Variants in SDK1 observed in about 807,000 individuals in gnomAD.
SDK1 encodes the protein protein sidekick-1.
A neutral mutation model predicts 245.5 loss-of-function variants in SDK1; 157 were observed. The observed-to-expected ratio is 0.64, with a 90% CI of 0.56 to 0.73. The LOEUF (loss-of-function observed/expected upper bound fraction) is 0.73. Ranked by LOEUF, SDK1 falls within the 30% of genes least tolerant of loss-of-function variation. The pLI, the probability that SDK1 is intolerant of heterozygous loss-of-function variation, is 0.00. For synonymous variants in SDK1, 1,647 were observed against 1,278.5 expected, an observed-to-expected ratio of 1.29 and a Z score of -6.15; for missense variants, 3,583 against 3,002.3, an observed-to-expected ratio of 1.19 and a Z score of -4.52.
chr7:3,395,930 G>C (rs1562461355), intron 1 of SDK1, among the ~76,000 whole-genome samples: 1 of 151,294 alleles, frequency 6.6e-6, no homozygotes, highest in Non-Finnish European at 1.5e-5. Context: ...TTTTTCCTCT[G>C]TTGTTTTTCT....
intron 14 of SDK1, 74 bp from the exon 15 acceptor site, chr7:4,010,892 G>C: frequency 1.4e-6 from 2 of 1,471,076 alleles, no homozygotes; most frequent in Non-Finnish European, 9.4e-7. Context: ...CCCTGAGAAA[G>C]CCTTTGCATT....
chr7:3,714,723 C>G lies in SDK1; in HGVS notation c.713+72618C>G, dbSNP rs527522150. On this transcript the variant is annotated intron_variant, in intron 4 of 44. Coordinates refer to ENST00000404826, the MANE Select transcript of SDK1 (RefSeq NM_152744.4). Reference sequence around the variant, plus strand: ...TTTTCTCTCAAAAGTGCTTCTAAAACAAGTTTCCATGCTTGAAGCGTTGAG... The same window carrying G: ...TTTTCTCTCAAAAGTGCTTCTAAAAGAAGTTTCCATGCTTGAAGCGTTGAG... Among the ~76,000 whole-genome samples, 6 of 152,280 alleles carry G rather than the reference C, an allele frequency of 3.9e-5. No individual in the cohort carries two copies. In the East Asian group the frequency reaches 1.2e-3, roughly 29 times the overall value.
At chr7:3,407,444 G>C (rs1287871707) in intron 1 of SDK1, among the ~76,000 whole-genome samples, 2 of 152,128 alleles carry the variant, frequency 1.3e-5, no homozygotes, top group African/African-American at 4.8e-5. Context: ...TTGGTTGACT[G>C]GTCTCAGCAA....
At chr7:3,615,361 A>T (rs995919755) in intron 1 of SDK1, among the ~76,000 whole-genome samples, 1 of 151,676 alleles carries the variant, frequency 6.6e-6, no homozygotes, top group Admixed American at 6.6e-5. Flanking sequence ...AATTGGACAC[A>T]TGGCTACATT....
intron 1 of SDK1, among the ~76,000 whole-genome samples, chr7:3,482,923 T>C (rs1781562597): frequency 6.6e-6 from 1 of 152,202 alleles, no homozygotes; most frequent in South Asian, 2.1e-4. Flanking sequence ...ACGTTAGCTA[T>C]GATGATGCTG....
intron 4 of SDK1, among the ~76,000 whole-genome samples, chr7:3,756,395 A>G (rs1048128354): frequency 6.6e-6 from 1 of 151,504 alleles, no homozygotes; most frequent in Non-Finnish European, 1.5e-5. Context: ...CATGTGACAC[A>G]TGCATATCAT....
intron 40 of SDK1, among the ~76,000 whole-genome samples, chr7:4,224,540 C>A (rs1785313921): frequency 1.3e-5 from 2 of 152,224 alleles, no homozygotes; most frequent in African/African-American, 4.8e-5. Flanking sequence ...GCCCCTCCCC[C>A]AACACCGGGG....
intron 13 of SDK1, among the ~76,000 whole-genome samples, chr7:3,984,039 A>G (rs1321790751): frequency 6.6e-6 from 1 of 152,210 alleles, no homozygotes; most frequent in African/African-American, 2.4e-5. Context: ...CTTTTAAAAA[A>G]TCTTTTTACA....
intron 2 of SDK1, among the ~76,000 whole-genome samples, chr7:3,637,257 C>G (rs1031594100): frequency 2.6e-4 from 39 of 152,190 alleles, no homozygotes; most frequent in African/African-American, 6.7e-4. Flanking sequence ...GCCACCACAC[C>G]TGCTAATTTT....
chr7:3,862,637 C>T (rs989199661), intron 5 of SDK1, among the ~76,000 whole-genome samples: 1 of 152,160 alleles, frequency 6.6e-6, no homozygotes, highest in Non-Finnish European at 1.5e-5. Flanking sequence ...TTAGTCTCTT[C>T]CTTATTTTCA....
intron 1 of SDK1, among the ~76,000 whole-genome samples, chr7:3,586,467 G>T (rs28649203): frequency 0.13 from 20,422 of 151,592 alleles, 1,485 homozygotes; most frequent in Middle Eastern, 0.24. Context: ...GGAGGCCGAG[G>T]TGGGTGGATC....
intron 25 of SDK1, among the ~76,000 whole-genome samples, chr7:4,126,576 C>G (rs1217410006): frequency 1.3e-5 from 2 of 152,168 alleles, no homozygotes; most frequent in Admixed American, 1.3e-4. Context: ...CAAAAATCAG[C>G]CAGGCGTGGT....
intron 1 of SDK1, among the ~76,000 whole-genome samples, chr7:3,551,782 G>A (rs1779423103): frequency 6.6e-6 from 1 of 151,844 alleles, no homozygotes; most frequent in Non-Finnish European, 1.5e-5. Context: ...TTCGAGCAGT[G>A]TTTCCACCCT....
chr7:3,619,178 C>T lies in SDK1; in HGVS notation c.397C>T (p.Pro133Ser). 6.2e-7 allele frequency: 1 copy of T among 1,613,932 alleles called. No individual in the cohort carries two copies. The highest frequency in any genetic ancestry group is 8.5e-7 in the Non-Finnish European group (1 of 1,179,884). The change falls in exon 2 of 45, where the codon CCT becomes TCT. Residue 133 changes from proline to serine, a missense_variant. By Grantham distance (74) the Pro-to-Ser change is moderately conservative. Coordinates refer to ENST00000404826, the MANE Select transcript of SDK1 (RefSeq NM_152744.4). The stretch of plus-strand genomic sequence containing the variant: ...CACCTGCCTTGCCGAAGGGAGCTGG[C>T]CTTTGGAGTTCAAGTGGATGCGCGA... Reference protein sequence around the residue: ...VLTCLAEGSWPLEFKWMRDDS... With the variant: ...VLTCLAEGSWSLEFKWMRDDS...
At chr7:4,144,855 T>A (rs550901576) in intron 28 of SDK1, among the ~76,000 whole-genome samples, 2 of 152,084 alleles carry the variant, frequency 1.3e-5, no homozygotes, top group East Asian at 3.9e-4. Context: ...CAGCAGTTGA[T>A]TTTTTTTGGA....
intron 1 of SDK1, among the ~76,000 whole-genome samples, chr7:3,561,288 C>T (rs140688918): frequency 4.3e-4 from 66 of 152,312 alleles, no homozygotes; most frequent in African/African-American, 1.5e-3. Flanking sequence ...TGCCTCTTGG[C>T]TTTAGGATAT....
At chr7:3,893,490 C>T (rs1196643426) in intron 5 of SDK1, among the ~76,000 whole-genome samples, 1 of 152,044 alleles carries the variant, frequency 6.6e-6, no homozygotes, top group East Asian at 1.9e-4. Flanking sequence ...GGCAGCTCCT[C>T]AGGTACCTGA....
intron 5 of SDK1, among the ~76,000 whole-genome samples, chr7:3,852,255 G>A (rs13236653): frequency 0.22 from 33,081 of 150,504 alleles, 3,922 homozygotes; most frequent in Middle Eastern, 0.35. Context: ...CTAATATTCC[G>A]TAGAAGTATA....
At chr7:3,347,177 G>T (rs566949024) in intron 1 of SDK1, among the ~76,000 whole-genome samples, 1 of 151,854 alleles carries the variant, frequency 6.6e-6, no homozygotes, top group African/African-American at 2.4e-5. Context: ...AGTTGTACTT[G>T]ATGCCACTTC....
Sources: allele counts gnomAD v4.1 joint callset (sites outside exome capture counted in the v4.1 genomes callset), GRCh38; gene constraint gnomAD v4.1.1; transcripts MANE v1.5; gene names NCBI Gene and HGNC (gene_info 2026-07-23, HGNC 2026-07-21).